PDE4D: variants seen among roughly 807,000 people sequenced by gnomAD.
PDE4D encodes 3',5'-cyclic-AMP phosphodiesterase 4D.
Under a neutral mutation model 87.4 loss-of-function variants are expected in PDE4D, and 24 were observed. The ratio of observed to expected loss-of-function variants is 0.27; its 90% CI spans 0.20 to 0.39. The LOEUF is 0.39. Among genes scored for constraint, PDE4D ranks in the 10% least tolerant of loss-of-function variants. The probability of loss-of-function intolerance (pLI) is 1.00; values close to 1 mark genes in which losing one functional copy is unlikely to be tolerated. For missense variants in PDE4D, 714 were observed against 1,041.0 expected, an observed-to-expected ratio of 0.69 and a Z score of 4.32; for synonymous variants, 384 against 383.2, an observed-to-expected ratio of 1.00 and a Z score of -0.02.
intron 6 of PDE4D, among the ~76,000 whole-genome samples, chr5:59,016,769 T>C (rs1264419439): frequency 6.6e-6 from 1 of 152,166 alleles, no homozygotes; most frequent in Non-Finnish European, 1.5e-5. Flanking sequence ...TTAGAATGGT[T>C]ATTCACTCAT....
chr5:60,284,902 G>T (rs966259443), intron 1 of PDE4D, among the ~76,000 whole-genome samples: 1 of 146,696 alleles, frequency 6.8e-6, no homozygotes, highest in African/African-American at 2.7e-5. Context: ...TTTTGATGTA[G>T]AGCCAAGGCC....
intron 2 of PDE4D, among the ~76,000 whole-genome samples, chr5:60,180,962 T>C (rs1391665040): frequency 6.6e-6 from 1 of 152,044 alleles, no homozygotes; most frequent in African/African-American, 2.4e-5. Flanking sequence ...TTAGGTGGGG[T>C]TGAATATAGT....
At chr5:59,273,921 A>T (rs925180000) in intron 1 of PDE4D, among the ~76,000 whole-genome samples, 4 of 152,136 alleles carry the variant, frequency 2.6e-5, no homozygotes, top group Non-Finnish European at 5.9e-5. Context: ...GAATTTGAAA[A>T]TACATCTCCT....
intron 1 of PDE4D, among the ~76,000 whole-genome samples, chr5:59,766,098 C>A (rs1298020488): frequency 5.3e-5 from 8 of 152,172 alleles, no homozygotes; most frequent in Non-Finnish European, 1.2e-4. Context: ...AACATATTTT[C>A]AAAATTCTCC....
intron 1 of PDE4D, among the ~76,000 whole-genome samples, chr5:59,767,142 T>C (rs1762896969): frequency 6.7e-6 from 1 of 148,776 alleles, no homozygotes; most frequent in Admixed American, 6.8e-5. Flanking sequence ...CTAAAAGCCT[T>C]GTTTCTGCTT....
At chr5:59,836,898 T>C (rs958397854) in intron 1 of PDE4D, among the ~76,000 whole-genome samples, 1 of 152,004 alleles carries the variant, frequency 6.6e-6, no homozygotes, top group Non-Finnish European at 1.5e-5. Flanking sequence ...TCCTGGTTTT[T>C]CTTTACTTCT....
intron 6 of PDE4D, among the ~76,000 whole-genome samples, chr5:59,018,228 AC>A (rs768207818): frequency 3.2e-4 from 49 of 152,362 alleles, no homozygotes; most frequent in Non-Finnish European, 4.7e-4. Flanking sequence ...TATCAGAATC[AC>A]GGATACTGGC....
chr5:58,970,118 C>T lies in PDE4D; in HGVS notation c.*4546G>A, dbSNP rs558551192. 6.6e-6 allele frequency: 1 copy of T among 152,180 alleles called. No homozygotes were observed. Among genetic ancestry groups the T allele is most frequent in the East Asian group, 1.9e-4 (1 of 5,180 alleles). 9.4% of individuals were successfully genotyped at this position (152,180 alleles called of 1,614,324 possible). On this transcript the variant is annotated 3_prime_UTR_variant, in exon 15 of 15. Transcript: ENST00000340635. ...TTATTTTCATTGCATATAAAAATTT[C>T]ATATGAAGGTATTGATGTACAGTAC...
intron 1 of PDE4D, among the ~76,000 whole-genome samples, chr5:59,872,762 T>C (rs1309808141): frequency 2.6e-5 from 4 of 152,216 alleles, no homozygotes; most frequent in Non-Finnish European, 4.4e-5. Context: ...AGAACAAAGT[T>C]AGAAAACAAA....
intron 1 of PDE4D, among the ~76,000 whole-genome samples, chr5:59,308,132 G>A (rs1219850386): frequency 8.8e-5 from 13 of 147,518 alleles, no homozygotes; most frequent in South Asian, 6.4e-4. Flanking sequence ...AACACCGCAT[G>A]TTCTCACTCA....
intron 1 of PDE4D, among the ~76,000 whole-genome samples, chr5:59,323,262 A>C (rs1775041187): frequency 6.6e-6 from 1 of 152,010 alleles, no homozygotes; most frequent in Non-Finnish European, 1.5e-5. Flanking sequence ...ATTCTTTCTG[A>C]GAGAGAGGCA....
chr5:59,555,430 C>T (rs941686228), intron 1 of PDE4D, among the ~76,000 whole-genome samples: 2 of 151,916 alleles, frequency 1.3e-5, no homozygotes, highest in Non-Finnish European at 2.9e-5. Flanking sequence ...ATAATCTGTA[C>T]AACAAACCCC....
chr5:59,418,889 A>G (rs1328333096), intron 1 of PDE4D, among the ~76,000 whole-genome samples: 1 of 152,122 alleles, frequency 6.6e-6, no homozygotes, highest in Non-Finnish European at 1.5e-5. Context: ...GCCTCAAATG[A>G]TCTGCCCACC....
intron 1 of PDE4D, among the ~76,000 whole-genome samples, chr5:60,255,153 G>T (rs766887634): frequency 4.0e-5 from 6 of 151,844 alleles, no homozygotes; most frequent in African/African-American, 7.3e-5. Context: ...AACCCATTCA[G>T]CTGAGATTAG....
intron 1 of PDE4D, among the ~76,000 whole-genome samples, chr5:59,703,207 T>C (rs1207142857): frequency 1.3e-5 from 2 of 152,186 alleles, no homozygotes; most frequent in African/African-American, 4.8e-5. Flanking sequence ...TTTTTGACCA[T>C]AATTGCACAT....
chr5:59,315,175 C>T (rs896836465), intron 1 of PDE4D, among the ~76,000 whole-genome samples: 1 of 152,140 alleles, frequency 6.6e-6, no homozygotes, highest in African/African-American at 2.4e-5. Context: ...TGTCTGCATG[C>T]CTAACTTTTC....
intron 1 of PDE4D, among the ~76,000 whole-genome samples, chr5:60,355,095 G>A (rs1759506622): frequency 6.6e-6 from 1 of 152,050 alleles, no homozygotes; most frequent in African/African-American, 2.4e-5. Context: ...GTTTATATTT[G>A]TTTTTATTTT....
At chr5:59,172,865 G>A (rs895448870) in intron 5 of PDE4D, 2 of 151,824 alleles carry the variant, frequency 1.3e-5, no homozygotes, top group East Asian at 3.9e-4. Context: ...CCATATATAA[G>A]GTGCATGGAA....
At chr5:60,077,882 T>A (rs945018697) in intron 2 of PDE4D, among the ~76,000 whole-genome samples, 3 of 152,068 alleles carry the variant, frequency 2.0e-5, no homozygotes, top group African/African-American at 4.8e-5. Context: ...ATTCACCCCA[T>A]CCCCAGGAGT....
Sources: gnomAD v4.1 joint callset for allele counts (sites outside exome capture counted in the v4.1 genomes callset) on GRCh38, gnomAD v4.1.1 for gene constraint, MANE v1.5 for transcripts, NCBI Gene and HGNC (gene_info 2026-07-23, HGNC 2026-07-21) for gene names.